FBXO11: variants seen among roughly 807,000 people sequenced by gnomAD.
FBXO11 encodes F-box only protein 11.
FBXO11 carries 13 observed loss-of-function variants against 117.0 expected under a neutral mutation model. The observed-to-expected ratio is 0.11, with a 90% confidence interval of 0.07 to 0.18. The LOEUF is 0.18. Among genes scored for constraint, FBXO11 ranks in the 10% least tolerant of loss-of-function variants. FBXO11 has a pLI of 1.00. For missense variants in FBXO11, 767 were observed against 1,164.4 expected (o/e 0.66, Z 4.97); for synonymous variants, 490 against 380.5 (o/e 1.29, Z -3.35).
At chr2:47,837,770 G>A (rs1044201840) in intron 4 of FBXO11, among the ~76,000 whole-genome samples, 2 of 151,976 alleles carry the variant, frequency 1.3e-5, no homozygotes, top group African/African-American at 4.8e-5. Context: ...TCCGTCTGCC[G>A]CCCAGGCTGC....
Position 47,834,595 on chromosome 2 carries a change from G to A in FBXO11, c.918C>T (p.Ile306=), listed in dbSNP as rs748109070. 1 of 1,581,118 alleles carries A rather than the reference G, an allele frequency of 6.3e-7. No homozygotes were observed. The highest frequency in any genetic ancestry group is 8.6e-7 in the Non-Finnish European group (1 of 1,168,062). ...TDEWIYIESP[I]TMIGAAPGKV... ...TCAAAATACCTGCACCAATCATGGT[G>A]ATTGGAGATTCAATATATATCCATT... is the stretch of plus-strand genomic sequence containing the variant. Residue 306 remains isoleucine, a synonymous_variant, in exon 7 of 23, where the codon ATC becomes ATT. Transcript: ENST00000403359.
At chr2:47,875,020 G>A (rs1211852105) in intron 1 of FBXO11, among the ~76,000 whole-genome samples, 1 of 152,004 alleles carries the variant, frequency 6.6e-6, no homozygotes, top group Non-Finnish European at 1.5e-5. Context: ...AATTCATACA[G>A]GATATGATCA....
rs182233910 is a variant in FBXO11, at chr2:47,844,959, T to A, written c.233-5190A>T. ...GCCCTTATTACATATTTCATTTTGA[T>A]ATGTTTGTAGTATGCATGCATGTGG... On this transcript the variant is annotated intron_variant, in intron 1 of 22. Transcript: ENST00000403359. 1.2e-3 allele frequency among the ~76,000 whole-genome samples: 181 copies of A among 152,340 alleles called. 1 individual carries two copies. Among genetic ancestry groups the A allele is most frequent in the Non-Finnish European group, 2.2e-3 (153 of 68,028 alleles).
At chr2:47,851,530 T>C (rs1424268812) in intron 1 of FBXO11, among the ~76,000 whole-genome samples, 1 of 152,072 alleles carries the variant, frequency 6.6e-6, no homozygotes, top group Non-Finnish European at 1.5e-5. Flanking sequence ...CCTGGCCTAT[T>C]AATTTTCATC....
chr2:47,834,728 G>C lies in FBXO11; in HGVS notation c.802-17C>G. ...ATCATAATACTAGAAAAAAATAAATGTGTCAGTACAGAACTGAAAGATTAC... is the reference window on the plus strand; with the variant it reads ...ATCATAATACTAGAAAAAAATAAATCTGTCAGTACAGAACTGAAAGATTAC... On this transcript the variant is annotated splice_polypyrimidine_tract_variant and intron_variant, in intron 6 of 22. Transcript: ENST00000403359. 6.2e-7 allele frequency: 1 copy of C among 1,606,402 alleles called. No homozygotes were observed.
chr2:47,814,782 G>C (rs1202713198), intron 16 of FBXO11, among the ~76,000 whole-genome samples: 2 of 152,152 alleles, frequency 1.3e-5, no homozygotes, highest in African/African-American at 4.8e-5. Flanking sequence ...ATAGCATTTT[G>C]CTCACAGTAG....
At chr2:47,813,665 T>A (rs1214961916) in intron 17 of FBXO11, 126 bp downstream of exon 17, 1 of 708,228 alleles carries the variant, frequency 1.4e-6, no homozygotes, top group East Asian at 2.9e-5. Context: ...ACTCCTGACC[T>A]CGGGTGATCC....
intron 4 of FBXO11, among the ~76,000 whole-genome samples, chr2:47,836,760 GATT>G (rs1672598961): frequency 6.6e-6 from 1 of 152,166 alleles, no homozygotes; most frequent in Admixed American, 6.5e-5. Flanking sequence ...AAAACATCAT[GATT>G]ATCACTTAAA....
intron 1 of FBXO11, among the ~76,000 whole-genome samples, chr2:47,902,438 TC>T (rs1039175459): frequency 9.2e-5 from 14 of 152,092 alleles, no homozygotes; most frequent in African/African-American, 3.4e-4. Context: ...CTTTGAAAAA[TC>T]CTCAAAGATT....
intron 1 of FBXO11, among the ~76,000 whole-genome samples, chr2:47,841,380 T>G (rs778298699): frequency 5.3e-5 from 8 of 152,148 alleles, no homozygotes; most frequent in Non-Finnish European, 1.2e-4. Flanking sequence ...CATTCTGCTA[T>G]CTCTAATGAG....
intron 1 of FBXO11, among the ~76,000 whole-genome samples, chr2:47,876,783 A>G (rs943331839): frequency 2.6e-5 from 4 of 152,248 alleles, no homozygotes; most frequent in African/African-American, 9.6e-5. Context: ...ACTCAGTTCA[A>G]TATGAAACCT....
chr2:47,874,541 A>C (rs1258038678), intron 1 of FBXO11, among the ~76,000 whole-genome samples: 2 of 152,152 alleles, frequency 1.3e-5, no homozygotes, highest in East Asian at 3.8e-4. Context: ...ATTTAAAAAA[A>C]AAAACAATTT....
chr2:47,819,517 A>G (rs1671233035), intron 14 of FBXO11, among the ~76,000 whole-genome samples: 1 of 152,100 alleles, frequency 6.6e-6, no homozygotes. Flanking sequence ...CCCGGCCAAC[A>G]TTCTTTTTAT....
At chr2:47,835,511 T>TC (rs1410309743) in intron 5 of FBXO11, among the ~76,000 whole-genome samples, 1 of 152,118 alleles carries the variant, frequency 6.6e-6, no homozygotes, top group African/African-American at 2.4e-5. Flanking sequence ...TTTTTTTTTT[T>TC]CCCTGAGACA....
At chr2:47,885,808 C>A (rs1005197178) in intron 1 of FBXO11, among the ~76,000 whole-genome samples, 3 of 152,122 alleles carry the variant, frequency 2.0e-5, no homozygotes, top group African/African-American at 7.2e-5. Context: ...CCTGATAAAT[C>A]TTCTATGGCC....
intron 16 of FBXO11, among the ~76,000 whole-genome samples, chr2:47,815,482 G>A (rs1456639870): frequency 1.3e-5 from 2 of 152,174 alleles, no homozygotes; most frequent in Non-Finnish European, 2.9e-5. Context: ...GAACCAGGAG[G>A]GAAGGACAAA....
intron 1 of FBXO11, among the ~76,000 whole-genome samples, chr2:47,852,323 C>G (rs1475180399): frequency 1.3e-5 from 2 of 152,050 alleles, no homozygotes; most frequent in African/African-American, 4.8e-5. Context: ...AAAAACGGAC[C>G]TCACCAGAGA....
At position 47,838,960 on chromosome 2, in the gene FBXO11, T is replaced by C. The variant is rs144106785; in HGVS notation, c.486A>G (p.Glu162=). The change falls in exon 4 of 23, where the codon GAA becomes GAG. Residue 162 remains glutamate, a synonymous_variant. Transcript: ENST00000403359. ...EQYLQEKLPD[E]VVLKIFSYLL... is the part of the protein sequence containing the mutation. ...AGTAAGAGAAGATTTTTAGAACCAC[T>C]TCATCTGGCAGTTTCTCCTGAAGAT... The C allele has an allele frequency of 2.8e-5, 45 of 1,613,904 alleles. No individual in the cohort carries two copies. The African/African-American group carries it at 4.4e-4, about 16-fold the overall frequency.
At chr2:47,894,345 T>C (rs979655325) in intron 1 of FBXO11, among the ~76,000 whole-genome samples, 1 of 152,172 alleles carries the variant, frequency 6.6e-6, no homozygotes, top group Non-Finnish European at 1.5e-5. Context: ...GTCAAGAATA[T>C]GCAGAAAACT....
Sources: allele counts gnomAD v4.1 joint callset (sites outside exome capture counted in the v4.1 genomes callset), GRCh38; gene constraint gnomAD v4.1.1; transcripts MANE v1.5; gene names NCBI Gene and HGNC (gene_info 2026-07-23, HGNC 2026-07-21).